MMACHC: variants seen among roughly 807,000 people sequenced by gnomAD.
MMACHC encodes the protein metabolism of cobalamin associated C.
A neutral mutation model predicts 17.6 loss-of-function variants in MMACHC; 14 were observed. The observed-to-expected ratio is 0.80, with a 90% confidence interval of 0.53 to 1.25. MMACHC has a LOEUF of 1.25. Among genes scored for constraint, MMACHC ranks in the 50% most tolerant of loss-of-function variants. MMACHC has a pLI of 0.00. For missense variants in MMACHC, 392 were observed against 364.5 expected, an observed-to-expected ratio of 1.08 and a Z score of -0.62; for synonymous variants, 151 against 142.1, an observed-to-expected ratio of 1.06 and a Z score of -0.45.
At position 45,508,227 on chromosome 1, in the gene MMACHC, C is replaced by T. The variant is rs759188647; in HGVS notation, c.292C>T (p.Gln98Ter). 2 of 1,614,188 alleles carry T rather than the reference C, an allele frequency of 1.2e-6. No individual in the cohort carries two copies. The highest frequency in any genetic ancestry group is 3.3e-5 in the Admixed American group (2 of 60,028). Residue 98 changes from glutamine to a stop codon, truncating the protein, a stop_gained, in exon 3 of 4, where the codon CAG becomes TAG. Transcript: ENST00000401061. LOFTEE classifies it high-confidence loss of function. Reference sequence around the variant, plus strand: ...ACTGTTCCAGAGCCTCCCAGAGCTGCAGATAGAAATCATTGCTGACTACGA... The same window carrying T: ...ACTGTTCCAGAGCCTCCCAGAGCTGTAGATAGAAATCATTGCTGACTACGA... ...GRVRESLPEL[Q>*]IEIIADYEVH... is the part of the protein sequence containing the mutation.
chr1:45,507,429 T>C lies in MMACHC; in HGVS notation c.155T>C (p.Val52Ala). 6.2e-7 allele frequency: 1 copy of C among 1,614,150 alleles called. No individual in the cohort carries two copies. Among genetic ancestry groups the C allele is most frequent in the South Asian group, 1.1e-5 (1 of 91,082 alleles). Residue 52 changes from valine (V) to alanine (A), a missense_variant, in exon 2 of 4, where the codon GTA (valine) becomes GCA (alanine). By Grantham distance (64) the Val-to-Ala change is moderately conservative. Transcript: ENST00000401061. ...PLPGPTLAFL[V>A]LSTPAMFDRA... ...CCAGGACCTACCCTGGCCTTCCTGG[T>C]ACTCAGCACGCCTGCCATGTTTGAC...
rs888090705 is a variant in MMACHC, at chr1:45,513,292, G to C, written c.*4077G>C. The C allele has an allele frequency of 5.9e-5, 9 of 152,130 alleles. No homozygotes were observed. The highest frequency in any genetic ancestry group is 1.7e-4 in the African/African-American group (7 of 41,418). 9.4% of individuals were successfully genotyped at this position (152,130 alleles called of 1,614,324 possible). A position where few individuals can be genotyped will look rare whatever the true frequency, so the allele number is the denominator to read the frequency against. On this transcript the variant is annotated 3_prime_UTR_variant, in exon 4 of 4. Transcript: ENST00000401061. ...CATCTGTGAGATCATCCTACATTCA[G>C]TAAGTTAGATCTTTGGGAGTGACTG...
chr1:45,511,256 G>GAA lies in MMACHC; in HGVS notation c.*2050_*2051dup. ...TCTGAAGTCTTGTGTTTTACTAATG[G>GAA]AAAAAAAAAATACAGAAGAGGTTTT... On this transcript the variant is annotated 3_prime_UTR_variant, in exon 4 of 4. Coordinates refer to ENST00000401061, the MANE Select transcript of MMACHC (RefSeq NM_015506.3). 1.3e-5 allele frequency: 15 copies of GAA among 1,180,374 alleles called. No individual in the cohort carries two copies. The highest frequency in any genetic ancestry group is 1.8e-5 in the Non-Finnish European group (15 of 852,006). 73.1% of individuals were successfully genotyped at this position (1,180,374 alleles called of 1,614,324 possible). A position where few individuals can be genotyped will look rare whatever the true frequency, so the allele number is the denominator to read the frequency against.
At position 45,508,729 on chromosome 1, in the gene MMACHC, A is replaced by G. The variant is rs139115778; in HGVS notation, c.430-67A>G. The G allele has an allele frequency of 1.2e-3, 1,882 of 1,547,652 alleles. 15 individuals carry two copies. In the African/African-American group the frequency reaches 0.023, roughly 19 times the overall value. ...TGGGAAGTGAACAGGCCTAGCTTGC[A>G]ATGATGGCAGTTGACTTGGTGCCAA... On this transcript the variant is annotated intron_variant, in intron 3 of 3. Transcript: ENST00000401061.
intron 1 of MMACHC, among the ~76,000 whole-genome samples, chr1:45,507,132 C>T (rs1276535737): frequency 6.6e-6 from 1 of 152,166 alleles, no homozygotes; most frequent in Admixed American, 6.5e-5. Flanking sequence ...TGCCACTGCA[C>T]TCCAGCCTGG....
intron 1 of MMACHC, among the ~76,000 whole-genome samples, chr1:45,504,900 G>A (rs943149106): frequency 1.3e-4 from 19 of 151,576 alleles, no homozygotes; most frequent in Admixed American, 4.6e-4. Context: ...GATCAGTTGA[G>A]GCCAGGTGTT....
intron 1 of MMACHC, among the ~76,000 whole-genome samples, chr1:45,505,524 C>G (rs1442962243): frequency 2.0e-5 from 3 of 152,028 alleles, no homozygotes; most frequent in Non-Finnish European, 4.4e-5. Flanking sequence ...AAACTCTTGG[C>G]CCCAAGCAGT....
At chr1:45,507,751 C>T (rs1378445970) in intron 2 of MMACHC, among the ~76,000 whole-genome samples, 1 of 69,182 alleles carries the variant, frequency 1.4e-5, no homozygotes, top group Non-Finnish European at 2.6e-5. Flanking sequence ...TCTAGCAGTC[C>T]CCCAGTGTGA....
chr1:45,508,440 C>A (rs1643669899), intron 3 of MMACHC, 76 bp downstream of exon 3: 4 of 1,531,952 alleles, frequency 2.6e-6, no homozygotes, highest in Admixed American at 1.8e-5. Context: ...CATTCCTCAG[C>A]CTTCCCTGGA....
chr1:45,510,070 C>CT lies in MMACHC; in HGVS notation c.*856dup, dbSNP rs1491030999. The CT allele has an allele frequency of 6.4e-5, 1 of 15,660 alleles. No homozygotes were observed. Among genetic ancestry groups the CT allele is most frequent in the African/African-American group, 1.9e-4 (1 of 5,328 alleles). 1.0% of individuals were successfully genotyped at this position (15,660 alleles called of 1,614,324 possible). ...CTAGCCTGGGTGACAGTGTGAGACTCTGTCTCAAAAAAAAAAAAAAAAGTA... is the reference window on the plus strand; with the variant it reads ...CTAGCCTGGGTGACAGTGTGAGACTCTTGTCTCAAAAAAAAAAAAAAAAGTA... On this transcript the variant is annotated 3_prime_UTR_variant, in exon 4 of 4. Transcript: ENST00000401061.
At chr1:45,506,916 CA>C (rs1643628965) in intron 1 of MMACHC, among the ~76,000 whole-genome samples, 1 of 151,782 alleles carries the variant, frequency 6.6e-6, no homozygotes, top group Non-Finnish European at 1.5e-5. Context: ...ATAATCCCAG[CA>C]CTTTGGAAGG....
At position 45,509,417 on chromosome 1, in the gene MMACHC, T is replaced by G. The variant is rs1465754134; in HGVS notation, c.*202T>G. ...GAATTCCCATCTGCCTTCAAATGAG[T>G]TTTTTTTTTTTTTTTAGACAGAGTC... On this transcript the variant is annotated 3_prime_UTR_variant, in exon 4 of 4. Coordinates refer to ENST00000401061, the MANE Select transcript of MMACHC (RefSeq NM_015506.3). 3.7e-6 allele frequency: 1 copy of G among 269,842 alleles called. No individual in the cohort carries two copies. Among genetic ancestry groups the G allele is most frequent in the South Asian group, 3.7e-5 (1 of 27,262 alleles). 16.7% of individuals were successfully genotyped at this position (269,842 alleles called of 1,614,324 possible).
chr1:45,512,704 A>G lies in MMACHC; in HGVS notation c.*3489A>G, dbSNP rs1643777697. The stretch of plus-strand genomic sequence containing the variant: ...ACTAACCTATATGTAGGTTCCTAGG[A>G]AAGTCCAGTTAAAGGGCCTACTTTG... On this transcript the variant is annotated 3_prime_UTR_variant, in exon 4 of 4. Coordinates refer to ENST00000401061, the MANE Select transcript of MMACHC (RefSeq NM_015506.3). 1 of 152,120 alleles carries G rather than the reference A, an allele frequency of 6.6e-6. No individual in the cohort carries two copies. The highest frequency in any genetic ancestry group is 1.5e-5 in the Non-Finnish European group (1 of 68,002). 9.4% of individuals were successfully genotyped at this position (152,120 alleles called of 1,614,324 possible).
intron 1 of MMACHC, among the ~76,000 whole-genome samples, chr1:45,505,442 G>A (rs1643606837): frequency 1.3e-5 from 2 of 151,700 alleles, no homozygotes; most frequent in South Asian, 4.2e-4. Context: ...GTGAGAATCC[G>A]TCTCAAAAAA....
intron 1 of MMACHC, among the ~76,000 whole-genome samples, chr1:45,504,774 C>T (rs12029322): frequency 0.23 from 34,997 of 151,980 alleles, 4,134 homozygotes; most frequent in East Asian, 0.33. Flanking sequence ...AGGTTAAGTA[C>T]GTTTCTAGCC....
rs555278442 is a variant in MMACHC, at chr1:45,508,476, T to C, written c.429+112T>C. 31 of 1,295,746 alleles carry C rather than the reference T, an allele frequency of 2.4e-5. No homozygotes were observed. In the South Asian group the frequency reaches 3.6e-4, roughly 15 times the overall value. The allele number at this position is 1,295,746 out of a possible 1,614,324, so 80.3% of individuals were successfully genotyped here. ...TGGATGTGACACAACCCAGAACAAATTAGCTTTGTTCTGGATGGGAGGCAG... is the reference window on the plus strand; with the variant it reads ...TGGATGTGACACAACCCAGAACAAACTAGCTTTGTTCTGGATGGGAGGCAG... On this transcript the variant is annotated intron_variant, in intron 3 of 3. Coordinates refer to ENST00000401061, the MANE Select transcript of MMACHC (RefSeq NM_015506.3).
intron 1 of MMACHC, among the ~76,000 whole-genome samples, chr1:45,502,695 CCTTTT>C (rs1378573228): frequency 2.6e-5 from 4 of 151,734 alleles, no homozygotes; most frequent in South Asian, 2.1e-4. Flanking sequence ...TCCAAGGAAG[CCTTTT>C]CTTTTCTTTT....
chr1:45,503,646 TA>T (rs1300627138), intron 1 of MMACHC, among the ~76,000 whole-genome samples: 1 of 152,064 alleles, frequency 6.6e-6, no homozygotes, highest in Non-Finnish European at 1.5e-5. Context: ...GGAACAGACC[TA>T]ACCACAACAG....
intron 3 of MMACHC, 111 bp downstream of exon 3, chr1:45,508,475 A>C: frequency 7.6e-7 from 1 of 1,310,720 alleles, no homozygotes; most frequent in Non-Finnish European, 1.1e-6. Context: ...CCCAGAACAA[A>C]TTAGCTTTGT....
Sources: allele counts gnomAD v4.1 joint callset (sites outside exome capture counted in the v4.1 genomes callset), GRCh38; gene constraint gnomAD v4.1.1; transcripts MANE v1.5; gene names NCBI Gene and HGNC (gene_info 2026-07-23, HGNC 2026-07-21).